XXYLT1: variants seen among roughly 807,000 people sequenced by gnomAD.
The protein encoded by XXYLT1 is xyloside xylosyltransferase 1.
A neutral mutation model predicts 28.9 loss-of-function variants in XXYLT1; 20 were observed. That is an observed-to-expected ratio of 0.69 (90% CI 0.49 to 1.00). The LOEUF is 1.00. Ranked by LOEUF, XXYLT1 falls within the 50% of genes least tolerant of loss-of-function variation. The pLI is 0.00. For synonymous variants in XXYLT1, 257 were observed against 253.8 expected (o/e 1.01, Z -0.12); for missense variants, 542 against 560.1 (o/e 0.97, Z 0.33).
intron 1 of XXYLT1, chr3:195,248,057 G>T (rs1331371425): frequency 9.6e-6 from 5 of 518,854 alleles, no homozygotes; most frequent in Non-Finnish European, 1.0e-5. Context: ...ACTTTCCAAG[G>T]CTGCCTGCTC....
At chr3:195,215,598 G>A (rs1723537776) in intron 2 of XXYLT1, among the ~76,000 whole-genome samples, 1 of 138,636 alleles carries the variant, frequency 7.2e-6, no homozygotes, top group Non-Finnish European at 1.6e-5. Context: ...ATGGTAAAGG[G>A]ATCAATTCAA....
chr3:195,184,659 C>T, intron 2 of XXYLT1: 24 of 985,392 alleles, frequency 2.4e-5, no homozygotes, highest in Non-Finnish European at 2.9e-5. Context: ...CTTCAGGACT[C>T]ACCGGAGAAC....
chr3:195,097,025 G>A (rs1040067024), intron 3 of XXYLT1, among the ~76,000 whole-genome samples: 2 of 152,200 alleles, frequency 1.3e-5, no homozygotes, highest in African/African-American at 4.8e-5. Flanking sequence ...TCTGATTCCC[G>A]CCCAGCAGAC....
chr3:195,247,350 G>C (rs1394247848), intron 1 of XXYLT1, among the ~76,000 whole-genome samples: 1 of 152,148 alleles, frequency 6.6e-6, no homozygotes. Flanking sequence ...TCCTTTTTTC[G>C]TGTGGGAACC....
intron 1 of XXYLT1, among the ~76,000 whole-genome samples, chr3:195,247,519 T>A (rs1029411895): frequency 2.6e-4 from 40 of 152,188 alleles, no homozygotes; most frequent in Non-Finnish European, 5.6e-4. Flanking sequence ...CAGCTTCCTC[T>A]AGGGGCCGGC....
chr3:195,107,606 GA>G (rs1193809111), intron 3 of XXYLT1, among the ~76,000 whole-genome samples: 17 of 17,620 alleles, frequency 9.6e-4, no homozygotes, highest in African/African-American at 2.1e-3. Context: ...GGGGGAGGAG[GA>G]AGGGGAGGAG....
rs778893083 is a variant in XXYLT1 at position 195,270,794 on chromosome 3, A to G, written c.265T>C (p.Leu89=). The G allele has an allele frequency of 4.1e-5, 64 of 1,557,840 alleles. No individual in the cohort carries two copies. Among genetic ancestry groups the G allele is most frequent in the Non-Finnish European group, 5.5e-5 (64 of 1,157,770 alleles). ...ACCGGCCCGGCACCGCCGCCCTCCA[A>G]GCTCTTGGCCTTCGCGCCGGGGGCT... ...APAPGAKAKS[L]EGGGAGPVDY... Residue 89 remains leucine, a synonymous_variant, in exon 1 of 4, where the codon TTG becomes CTG. Coordinates refer to ENST00000310380, the MANE Select transcript of XXYLT1 (RefSeq NM_152531.5).
At chr3:195,174,962 A>G (rs994313207) in intron 2 of XXYLT1, among the ~76,000 whole-genome samples, 1 of 152,052 alleles carries the variant, frequency 6.6e-6, no homozygotes, top group African/African-American at 2.4e-5. Context: ...CCTCTCTCAT[A>G]AGACTGTAAG....
intron 1 of XXYLT1, among the ~76,000 whole-genome samples, chr3:195,234,521 C>T (rs1401345927): frequency 6.6e-6 from 1 of 151,372 alleles, no homozygotes; most frequent in African/African-American, 2.4e-5. Context: ...GTTTCACCAT[C>T]TTGGCCAGGC....
At chr3:195,162,278 G>A (rs74661301) in intron 2 of XXYLT1, among the ~76,000 whole-genome samples, 2,832 of 152,262 alleles carry the variant, frequency 0.019, 35 homozygotes, top group Non-Finnish European at 0.028. Context: ...CCAGGATACG[G>A]CCAGCGCTCA....
At chr3:195,216,683 CAA>C (rs1723589804) in intron 2 of XXYLT1, among the ~76,000 whole-genome samples, 1 of 151,434 alleles carries the variant, frequency 6.6e-6, no homozygotes, top group Non-Finnish European at 1.5e-5. Context: ...GCTTACCAAT[CAA>C]AAAGAGTCCA....
intron 1 of XXYLT1, among the ~76,000 whole-genome samples, chr3:195,265,130 G>A (rs1725806482): frequency 6.6e-6 from 1 of 152,090 alleles, no homozygotes; most frequent in South Asian, 2.1e-4. Flanking sequence ...AGCACTTTGG[G>A]AGGCCAAGGC....
chr3:195,264,324 G>C (rs1725776467), intron 1 of XXYLT1, among the ~76,000 whole-genome samples: 1 of 152,242 alleles, frequency 6.6e-6, no homozygotes, highest in African/African-American at 2.4e-5. Context: ...CAAGTTAACA[G>C]GATAGTTACT....
chr3:195,107,889 C>T (rs1453757363), intron 3 of XXYLT1, among the ~76,000 whole-genome samples: 3 of 152,050 alleles, frequency 2.0e-5, no homozygotes, highest in Non-Finnish European at 4.4e-5. Context: ...CCCAGGCCTC[C>T]GCACAGTGGG....
intron 1 of XXYLT1, among the ~76,000 whole-genome samples, chr3:195,229,523 C>G (rs1238314015): frequency 1.3e-5 from 2 of 152,200 alleles, no homozygotes; most frequent in Non-Finnish European, 2.9e-5. Flanking sequence ...TAACCATCTC[C>G]TCCTCCCCCA....
Position 195,175,956 on chromosome 3 carries a change from G to A in XXYLT1, c.653-19375C>T, listed in dbSNP as rs546904914. ...CAGTCATGTTTGTTATTACAGCCCA[G>A]CTTAGTCTAGCCTTACTAACACAGA... On this transcript the variant is annotated intron_variant, in intron 2 of 3. Transcript: ENST00000310380. 58 of 1,335,506 alleles carry A rather than the reference G, an allele frequency of 4.3e-5. No individual in the cohort carries two copies. In the African/African-American group the frequency reaches 8.1e-4, roughly 19 times the overall value. 82.7% of individuals were successfully genotyped at this position (1,335,506 alleles called of 1,614,324 possible).
At chr3:195,149,410 A>C (rs958493671) in intron 3 of XXYLT1, among the ~76,000 whole-genome samples, 23 of 152,216 alleles carry the variant, frequency 1.5e-4, no homozygotes, top group Non-Finnish European at 2.9e-4. Flanking sequence ...CCAGGAACAG[A>C]ACAGAAACCA....
chr3:195,185,996 T>G (rs1267276753), intron 2 of XXYLT1, among the ~76,000 whole-genome samples: 3 of 152,118 alleles, frequency 2.0e-5, no homozygotes, highest in Non-Finnish European at 4.4e-5. Context: ...CTGCAACACC[T>G]ACCACGAGCT....
At chr3:195,201,521 G>T (rs1055524002) in intron 2 of XXYLT1, among the ~76,000 whole-genome samples, 1 of 152,188 alleles carries the variant, frequency 6.6e-6, no homozygotes, top group African/African-American at 2.4e-5. Flanking sequence ...GTCCTATCTT[G>T]AGGCTGTTCC....
Sources: gnomAD v4.1 joint callset for allele counts (sites outside exome capture counted in the v4.1 genomes callset) on GRCh38, gnomAD v4.1.1 for gene constraint, MANE v1.5 for transcripts, NCBI Gene and HGNC (gene_info 2026-07-23, HGNC 2026-07-21) for gene names.